SMYD3: variants seen among roughly 807,000 people sequenced by gnomAD.
The protein encoded by SMYD3 is SET and MYND domain containing 3, also known as histone-lysine N-methyltransferase SMYD3.
SMYD3 carries 36 observed loss-of-function variants against 57.7 expected under a neutral mutation model. That is an observed-to-expected ratio of 0.62 (90% CI 0.48 to 0.82). The LOEUF (loss-of-function observed/expected upper bound fraction) is 0.82, where lower values mean the gene tolerates loss of function less well. Among genes scored for constraint, SMYD3 ranks in the 40% least tolerant of loss-of-function variants. SMYD3 has a pLI of 0.00. For missense variants in SMYD3, 515 were observed against 538.8 expected (o/e 0.96, Z 0.44); for synonymous variants, 211 against 195.0 (o/e 1.08, Z -0.68).
intron 5 of SMYD3, among the ~76,000 whole-genome samples, chr1:246,222,006 CTGTT>C (rs1349681757): frequency 2.0e-5 from 3 of 152,160 alleles, no homozygotes; most frequent in African/African-American, 4.8e-5. Context: ...GCTATTTTGA[CTGTT>C]TGTGATGTTT....
intron 1 of SMYD3, among the ~76,000 whole-genome samples, chr1:246,370,491 G>T (rs1378317814): frequency 6.6e-6 from 1 of 152,156 alleles, no homozygotes; most frequent in East Asian, 1.9e-4. Flanking sequence ...TACTAGGGGC[G>T]TACCCTTGTA....
chr1:246,352,290 T>C (rs953691448), intron 2 of SMYD3, among the ~76,000 whole-genome samples: 14 of 151,926 alleles, frequency 9.2e-5, no homozygotes, highest in Admixed American at 2.6e-4. Context: ...ACACATCAAA[T>C]GCTAAGCTAG....
intron 1 of SMYD3, among the ~76,000 whole-genome samples, chr1:246,444,528 T>C: frequency 6.6e-6 from 1 of 152,222 alleles, no homozygotes; most frequent in East Asian, 1.9e-4. Flanking sequence ...GTCAGAAGCA[T>C]GACTGACTGC....
chr1:245,800,335 CA>C lies in SMYD3; in HGVS notation c.1077-36187del, dbSNP rs1250030750. Among the ~76,000 whole-genome samples, 3 of 152,124 alleles carry C rather than the reference CA, an allele frequency of 2.0e-5. No individual in the cohort carries two copies. The South Asian group carries it at 6.2e-4, about 32-fold the overall frequency. On this transcript the variant is annotated intron_variant, in intron 10 of 11. Transcript: ENST00000490107. ...TATCTTTCCTTCCTAGCTCTTCATG[CA>C]GTTCATAACTATACACTATATTTTG...
chr1:246,280,674 T>G lies in SMYD3; in HGVS notation c.531+46527A>C, dbSNP rs546942843. On this transcript the variant is annotated intron_variant, in intron 5 of 11. Transcript: ENST00000490107. The stretch of plus-strand genomic sequence containing the variant: ...AGCTTGAAATGTTAAAGCTTACATT[T>G]AGACTGTGCATGTCAGTTTCTATTA... Among the ~76,000 whole-genome samples the G allele has an allele frequency of 9.8e-5, 15 of 152,342 alleles. No homozygotes were observed. In the South Asian group the frequency reaches 2.7e-3, roughly 27 times the overall value.
chr1:246,066,259 G>A (rs1348330055), intron 5 of SMYD3, among the ~76,000 whole-genome samples: 2 of 152,028 alleles, frequency 1.3e-5, no homozygotes, highest in African/African-American at 4.8e-5. Flanking sequence ...CATTCAAACC[G>A]GGCTAATAAA....
intron 10 of SMYD3, among the ~76,000 whole-genome samples, chr1:245,765,937 C>A (rs1233462306): frequency 6.6e-6 from 1 of 152,176 alleles, no homozygotes; most frequent in African/African-American, 2.4e-5. Flanking sequence ...GGTATGTTCT[C>A]TGAAAATGCA....
chr1:245,969,618 G>T (rs574314242), intron 5 of SMYD3, among the ~76,000 whole-genome samples: 2 of 152,188 alleles, frequency 1.3e-5, no homozygotes, highest in African/African-American at 4.8e-5. Context: ...CTAACCAAGG[G>T]GGGAAAGGCC....
chr1:245,854,931 T>C (rs2051161394), intron 10 of SMYD3, among the ~76,000 whole-genome samples: 1 of 152,196 alleles, frequency 6.6e-6, no homozygotes, highest in Non-Finnish European at 1.5e-5. Context: ...GGATTACTGT[T>C]TACTTTCAAT....
At chr1:246,053,803 T>C (rs1374065223) in intron 5 of SMYD3, among the ~76,000 whole-genome samples, 1 of 150,348 alleles carries the variant, frequency 6.7e-6, no homozygotes, top group Non-Finnish European at 1.5e-5. Flanking sequence ...AAAAAAAAGA[T>C]TATAAATTGA....
chr1:246,276,778 G>A lies in SMYD3; in HGVS notation c.531+50423C>T, dbSNP rs866447027. 6.8e-5 allele frequency among the ~76,000 whole-genome samples: 10 copies of A among 146,754 alleles called. No individual in the cohort carries two copies. The East Asian group carries it at 1.5e-3, about 22-fold the overall frequency. ...TACTAACTCTGTTTTTTCACTAGCC[G>A]TATTAACACTGGCAAGTTACTTAAT... On this transcript the variant is annotated intron_variant, in intron 5 of 11. Coordinates refer to ENST00000490107, the MANE Select transcript of SMYD3 (RefSeq NM_001167740.2).
At chr1:246,325,421 T>C (rs1263648337) in intron 5 of SMYD3, among the ~76,000 whole-genome samples, 2 of 152,084 alleles carry the variant, frequency 1.3e-5, no homozygotes, top group Non-Finnish European at 2.9e-5. Flanking sequence ...GCTGCTTTCA[T>C]CTGATTATTA....
chr1:245,798,435 T>TACCCAC (rs2047679394), intron 10 of SMYD3, among the ~76,000 whole-genome samples: 2 of 68,578 alleles, frequency 2.9e-5, no homozygotes, highest in Admixed American at 1.2e-4. Context: ...CCCACACACA[T>TACCCAC]ACACACACAT....
At chr1:246,085,103 T>G (rs1353374818) in intron 5 of SMYD3, among the ~76,000 whole-genome samples, 1 of 152,182 alleles carries the variant, frequency 6.6e-6, no homozygotes, top group East Asian at 1.9e-4. Flanking sequence ...CAACATAAAT[T>G]TTATCTCCAG....
intron 10 of SMYD3, among the ~76,000 whole-genome samples, chr1:245,794,397 C>T (rs112084313): frequency 8.2e-4 from 125 of 152,330 alleles, no homozygotes; most frequent in African/African-American, 2.6e-3. Context: ...AGACATTCCA[C>T]GTGACCTGAC....
intron 5 of SMYD3, among the ~76,000 whole-genome samples, chr1:245,999,513 A>C (rs1182282872): frequency 6.6e-6 from 1 of 152,194 alleles, no homozygotes; most frequent in East Asian, 1.9e-4. Context: ...CCTAGATTTA[A>C]ACCCAGAAAC....
intron 5 of SMYD3, among the ~76,000 whole-genome samples, chr1:246,287,185 T>TA (rs1230237246): frequency 6.6e-6 from 1 of 152,184 alleles, no homozygotes; most frequent in Non-Finnish European, 1.5e-5. Flanking sequence ...AATAACATTT[T>TA]AAAAAACAAC....
At chr1:245,918,612 C>T (rs560089693) in intron 7 of SMYD3, among the ~76,000 whole-genome samples, 1 of 152,304 alleles carries the variant, frequency 6.6e-6, no homozygotes, top group African/African-American at 2.4e-5. Context: ...CTAATGAATG[C>T]TATGTTCCAA....
At chr1:246,044,970 C>A (rs937774462) in intron 5 of SMYD3, among the ~76,000 whole-genome samples, 1 of 151,954 alleles carries the variant, frequency 6.6e-6, no homozygotes, top group Non-Finnish European at 1.5e-5. Flanking sequence ...CACTGCTCAA[C>A]GAAATAAAAG....
Sources: allele counts gnomAD v4.1 joint callset (sites outside exome capture counted in the v4.1 genomes callset), GRCh38; gene constraint gnomAD v4.1.1; transcripts MANE v1.5; gene names NCBI Gene and HGNC (gene_info 2026-07-23, HGNC 2026-07-21).